Variants in PTGFRN observed in about 807,000 individuals in gnomAD.
PTGFRN encodes the protein prostaglandin F2 receptor inhibitor, also known as prostaglandin F2 receptor negative regulator.
A neutral mutation model predicts 83.2 loss-of-function variants in PTGFRN; 35 were observed. The observed-to-expected ratio is 0.42, with a 90% confidence interval of 0.32 to 0.56. The LOEUF (loss-of-function observed/expected upper bound fraction) is 0.56. Ranked by LOEUF, PTGFRN falls within the 20% of genes least tolerant of loss-of-function variation. PTGFRN has a pLI of 0.11. For synonymous variants in PTGFRN, 519 were observed against 498.6 expected (o/e 1.04, Z -0.55); for missense variants, 1,051 against 1,179.5 (o/e 0.89, Z 1.60).
intron 4 of PTGFRN, among the ~76,000 whole-genome samples, chr1:116,953,794 C>T (rs974232970): frequency 1.3e-5 from 2 of 151,530 alleles, no homozygotes; most frequent in East Asian, 3.9e-4. Flanking sequence ...TAGTAATTCA[C>T]TTTTCCTTCT....
chr1:116,951,655 T>C (rs1410896351), intron 4 of PTGFRN, among the ~76,000 whole-genome samples: 1 of 152,024 alleles, frequency 6.6e-6, no homozygotes, highest in Non-Finnish European at 1.5e-5. Flanking sequence ...TGAAAAACAA[T>C]TGCATTCTTT....
intron 3 of PTGFRN, 71 bp from the exon 4 acceptor site, chr1:116,949,121 T>C: frequency 6.7e-7 from 1 of 1,503,436 alleles, no homozygotes; most frequent in Non-Finnish European, 8.9e-7. Context: ...GGAGATGCTT[T>C]AAAGAGGGTG....
Position 116,929,197 on chromosome 1 carries a change from C to T in PTGFRN, c.50-12518C>T, listed in dbSNP as rs1213048221. 3.3e-5 allele frequency among the ~76,000 whole-genome samples: 5 copies of T among 152,196 alleles called. No homozygotes were observed. In the East Asian group the frequency reaches 9.6e-4, roughly 29 times the overall value. Reference sequence around the variant, plus strand: ...TCTTGATTGCTCTCTTCTTCATTCCCCACATTCAAAAAGTCAGTTTGTCTT... The same window carrying T: ...TCTTGATTGCTCTCTTCTTCATTCCTCACATTCAAAAAGTCAGTTTGTCTT... On this transcript the variant is annotated intron_variant, in intron 1 of 8. Coordinates refer to ENST00000393203, the MANE Select transcript of PTGFRN (RefSeq NM_020440.4).
chr1:116,972,788 G>A (rs1255429578), intron 6 of PTGFRN, among the ~76,000 whole-genome samples: 2 of 152,154 alleles, frequency 1.3e-5, no homozygotes, highest in African/African-American at 4.8e-5. Flanking sequence ...TGAACTCTTA[G>A]GATTAGCTAA....
intron 1 of PTGFRN, among the ~76,000 whole-genome samples, chr1:116,929,636 C>G (rs1399349094): frequency 1.3e-5 from 2 of 152,216 alleles, no homozygotes; most frequent in African/African-American, 2.4e-5. Context: ...GGTCTAAACT[C>G]AGACATGACC....
chr1:116,967,269 C>A lies in PTGFRN; in HGVS notation c.1998C>A (p.Ser666Arg). ...CAGCCTGGTCTCCTGTCAGGGGCAG[C>A]CTTTGGCGAGAAGCAGCAACCAGTC... ...MVTAWSPVRG[S>R]LWREAATSLS... is the part of the protein sequence containing the mutation. The change falls in exon 6 of 9, where the codon AGC becomes AGA. Residue 666 changes from serine to arginine, a missense_variant. Ser to Arg is a moderately radical substitution (Grantham distance 110). Around this residue, in one of 3 missense-constraint regions of PTGFRN, gnomAD observed 719 missense variants for 836.6 expected, o/e 0.86. Transcript: ENST00000393203. 6.2e-7 allele frequency: 1 copy of A among 1,614,182 alleles called. No homozygotes were observed. The highest frequency in any genetic ancestry group is 8.5e-7 in the Non-Finnish European group (1 of 1,180,016).
chr1:116,973,933 G>T (rs546664219), intron 6 of PTGFRN, among the ~76,000 whole-genome samples: 2 of 152,208 alleles, frequency 1.3e-5, no homozygotes, highest in Non-Finnish European at 2.9e-5. Flanking sequence ...GGTAGCTTTC[G>T]AATGAGGTCA....
intron 1 of PTGFRN, among the ~76,000 whole-genome samples, chr1:116,928,076 T>C (rs1321334311): frequency 6.6e-6 from 1 of 152,224 alleles, no homozygotes; most frequent in African/African-American, 2.4e-5. Context: ...TCTTACCCCC[T>C]GTGGCCTGTT....
intron 1 of PTGFRN, among the ~76,000 whole-genome samples, chr1:116,931,165 T>TC: frequency 6.6e-6 from 1 of 152,360 alleles, no homozygotes; most frequent in East Asian, 1.9e-4. Flanking sequence ...GAGGAAATGC[T>TC]CGTTGGAGCA....
intron 4 of PTGFRN, among the ~76,000 whole-genome samples, chr1:116,959,928 G>A (rs1244939109): frequency 6.6e-6 from 1 of 151,614 alleles, no homozygotes; most frequent in South Asian, 2.1e-4. Flanking sequence ...AACTGAGATC[G>A]CGCCACTGCA....
In PTGFRN at chr1:116,974,338, C is replaced by T. The variant is rs762765956; in HGVS notation, c.2167+15C>T. ...ACTGGATCCAGGTACCTCACTCCAT[C>T]CTCACCCCTTCACCATGTTGCTTTC... is the stretch of plus-strand genomic sequence containing the variant. On this transcript the variant is annotated intron_variant, in intron 7 of 8. Coordinates refer to ENST00000393203, the MANE Select transcript of PTGFRN (RefSeq NM_020440.4). The T allele has an allele frequency of 1.4e-5, 21 of 1,539,078 alleles. No homozygotes were observed. Among genetic ancestry groups the T allele is most frequent in the Non-Finnish European group, 1.8e-5 (20 of 1,112,888 alleles).
intron 7 of PTGFRN, among the ~76,000 whole-genome samples, chr1:116,984,299 C>G (rs1194062630): frequency 6.6e-6 from 1 of 151,986 alleles, no homozygotes; most frequent in African/African-American, 2.4e-5. Context: ...CTGCAGTGTC[C>G]TGGCATACCA....
rs1281475588 is a variant in PTGFRN at position 116,988,930 on chromosome 1, A to G, written c.*1963A>G. ...GGGTATTTTCTGCATGTCATAACATATCCTAACTGCTATTTCAGAAGAGGC... is the reference window on the plus strand; with the variant it reads ...GGGTATTTTCTGCATGTCATAACATGTCCTAACTGCTATTTCAGAAGAGGC... On this transcript the variant is annotated 3_prime_UTR_variant, in exon 9 of 9. Coordinates refer to ENST00000393203, the MANE Select transcript of PTGFRN (RefSeq NM_020440.4). 1 of 152,252 alleles carries G rather than the reference A, an allele frequency of 6.6e-6. No homozygotes were observed. The highest frequency in any genetic ancestry group is 1.5e-5 in the Non-Finnish European group (1 of 68,058). The allele number at this position is 152,252 out of a possible 1,614,324, so 9.4% of individuals were successfully genotyped here.
intron 1 of PTGFRN, among the ~76,000 whole-genome samples, chr1:116,922,498 A>G (rs1039737982): frequency 5.3e-5 from 8 of 152,210 alleles, no homozygotes; most frequent in Admixed American, 6.5e-5. Context: ...CAGGAAGCCT[A>G]GTGTCATACG....
chr1:116,932,708 CT>C (rs1195642119), intron 1 of PTGFRN, among the ~76,000 whole-genome samples: 1 of 152,158 alleles, frequency 6.6e-6, no homozygotes, highest in African/African-American at 2.4e-5. Context: ...TGCTGCCTAT[CT>C]TGGTTCCATT....
Position 116,987,163 on chromosome 1 carries a change from C to A in PTGFRN, c.*196C>A. ...TTTACCAGCACACGGCTCTTCTTCCCACGGCACTTTCTGATGTAACAATCG... is the reference window on the plus strand; with the variant it reads ...TTTACCAGCACACGGCTCTTCTTCCAACGGCACTTTCTGATGTAACAATCG... On this transcript the variant is annotated 3_prime_UTR_variant, in exon 9 of 9. Coordinates refer to ENST00000393203, the MANE Select transcript of PTGFRN (RefSeq NM_020440.4). 1.7e-6 allele frequency: 1 copy of A among 572,086 alleles called. No individual in the cohort carries two copies. The highest frequency in any genetic ancestry group is 3.0e-6 in the Non-Finnish European group (1 of 328,166). 35.4% of individuals were successfully genotyped at this position (572,086 alleles called of 1,614,324 possible).
chr1:116,917,716 A>G (rs1649439596), intron 1 of PTGFRN, among the ~76,000 whole-genome samples: 1 of 152,062 alleles, frequency 6.6e-6, no homozygotes, highest in Non-Finnish European at 1.5e-5. Flanking sequence ...TGCAGCATGA[A>G]ACTCCTGGGC....
At chr1:116,942,334 A>G (rs760977297) in intron 2 of PTGFRN, among the ~76,000 whole-genome samples, 1 of 152,172 alleles carries the variant, frequency 6.6e-6, no homozygotes, top group Non-Finnish European at 1.5e-5. Flanking sequence ...GAGCCACCCT[A>G]TGCCCAGTGA....
At chr1:116,972,837 A>C (rs1031634303) in intron 6 of PTGFRN, among the ~76,000 whole-genome samples, 1 of 152,272 alleles carries the variant, frequency 6.6e-6, no homozygotes, top group African/African-American at 2.4e-5. Context: ...AGAGGAATTC[A>C]TAAGTGAGTT....
Sources: allele counts gnomAD v4.1 joint callset (sites outside exome capture counted in the v4.1 genomes callset), GRCh38; gene constraint gnomAD v4.1.1; regional missense constraint gnomAD v4.1.1; transcripts MANE v1.5; gene names NCBI Gene and HGNC (gene_info 2026-07-23, HGNC 2026-07-21).